The following B3GALT1 variants were observed in gnomAD, a reference collection of about 807,000 sequenced individuals.
B3GALT1 encodes beta-1,3-galactosyltransferase 1, also known as UDP-Gal:betaGlcNAc beta 1,3-galactosyltransferase, polypeptide 1.
In B3GALT1, 10 loss-of-function variants were observed where a neutral mutation model predicts 23.2. The observed-to-expected ratio is 0.43, with a 90% CI of 0.27 to 0.73. B3GALT1 has a LOEUF of 0.73. Ranked by LOEUF, B3GALT1 falls within the 30% of genes least tolerant of loss-of-function variation. B3GALT1 has a pLI of 0.21. For missense variants in B3GALT1, 299 were observed against 405.4 expected (o/e 0.74, Z 2.25); for synonymous variants, 156 against 141.5 (o/e 1.10, Z -0.73).
chr2:167,817,526 C>CACTT (rs1393938053), intron 3 of B3GALT1, among the ~76,000 whole-genome samples: 3 of 152,148 alleles, frequency 2.0e-5, no homozygotes, highest in African/African-American at 4.8e-5. Context: ...CCAACCCATA[C>CACTT]ACTTACCCAT....
intron 2 of B3GALT1, among the ~76,000 whole-genome samples, chr2:167,543,860 G>A (rs1424759915): frequency 6.6e-6 from 1 of 152,200 alleles, no homozygotes; most frequent in African/African-American, 2.4e-5. Context: ...TATACTGGCT[G>A]TAACCAAATA....
chr2:167,447,719 T>C (rs1452908315), intron 1 of B3GALT1, among the ~76,000 whole-genome samples: 3 of 152,018 alleles, frequency 2.0e-5, no homozygotes, highest in Admixed American at 2.0e-4. Context: ...AAAAGCACAA[T>C]ATTAGGGTGG....
rs558028853 is a variant in B3GALT1 at position 167,329,858 on chromosome 2, T to C, written c.-511+36524T>C. Among the ~76,000 whole-genome samples, 28 of 152,244 alleles carry C rather than the reference T, an allele frequency of 1.8e-4. No homozygotes were observed. The East Asian group carries it at 2.3e-3, about 13-fold the overall frequency. On this transcript the variant is annotated intron_variant, in intron 1 of 4. Transcript: ENST00000392690. ...GCCTTTGAATCTATGTCCCATTCTC[T>C]CAATGGCCTGTAAGGTTTCTGTTGA...
At chr2:167,704,351 A>T (rs1686937927) in intron 3 of B3GALT1, among the ~76,000 whole-genome samples, 1 of 152,186 alleles carries the variant, frequency 6.6e-6, no homozygotes, top group African/African-American at 2.4e-5. Flanking sequence ...TGCTTACCGA[A>T]TAATATTCAA....
At chr2:167,810,763 A>C (rs1055019345) in intron 3 of B3GALT1, among the ~76,000 whole-genome samples, 1 of 144,254 alleles carries the variant, frequency 6.9e-6, no homozygotes, top group African/African-American at 2.9e-5. Flanking sequence ...TTTTTAATAC[A>C]ACTCCAGGAA....
chr2:167,420,938 A>C (rs1484442215), intron 1 of B3GALT1, among the ~76,000 whole-genome samples: 1 of 152,212 alleles, frequency 6.6e-6, no homozygotes, highest in East Asian at 1.9e-4. Context: ...GTAGCTAAAA[A>C]ATGTAAGTGA....
chr2:167,782,097 T>C (rs1281058588), intron 3 of B3GALT1, among the ~76,000 whole-genome samples: 1 of 152,120 alleles, frequency 6.6e-6, no homozygotes, highest in Non-Finnish European at 1.5e-5. Flanking sequence ...AGACCAGAAA[T>C]TGTAATCCTG....
chr2:167,739,959 C>T (rs1039627373), intron 3 of B3GALT1, among the ~76,000 whole-genome samples: 4 of 149,082 alleles, frequency 2.7e-5, no homozygotes, highest in African/African-American at 9.9e-5. Context: ...AAAATCTAGG[C>T]GTGGTGGTGC....
At chr2:167,772,986 T>G (rs1048483633) in intron 3 of B3GALT1, among the ~76,000 whole-genome samples, 1 of 152,188 alleles carries the variant, frequency 6.6e-6, no homozygotes, top group Admixed American at 6.5e-5. Context: ...TCTATGGGCT[T>G]CATAAGGAAA....
chr2:167,670,503 A>T (rs1185836304), intron 3 of B3GALT1, among the ~76,000 whole-genome samples: 1 of 152,214 alleles, frequency 6.6e-6, no homozygotes, highest in East Asian at 1.9e-4. Flanking sequence ...CACACAAGAA[A>T]AATTAAGGAA....
chr2:167,675,459 G>A (rs1468250124), intron 3 of B3GALT1, among the ~76,000 whole-genome samples: 5 of 152,118 alleles, frequency 3.3e-5, no homozygotes, highest in Non-Finnish European at 4.4e-5. Flanking sequence ...TAAATGCCTC[G>A]GAGCAGGACA....
chr2:167,671,217 G>T (rs1000537463), intron 3 of B3GALT1, among the ~76,000 whole-genome samples: 2 of 151,830 alleles, frequency 1.3e-5, no homozygotes, highest in Admixed American at 6.6e-5. Flanking sequence ...TAGTATTAGG[G>T]GACTTTAATA....
chr2:167,487,181 A>G (rs568391538), intron 1 of B3GALT1, among the ~76,000 whole-genome samples: 3 of 152,286 alleles, frequency 2.0e-5, no homozygotes, highest in East Asian at 1.9e-4. Context: ...ATCTATTTGA[A>G]TTAGTTGTTT....
intron 1 of B3GALT1, among the ~76,000 whole-genome samples, chr2:167,302,430 T>C (rs1241247316): frequency 2.0e-5 from 3 of 152,216 alleles, no homozygotes; most frequent in African/African-American, 7.2e-5. Flanking sequence ...TGGAGTGATA[T>C]GCTTAATTTT....
chr2:167,680,793 G>T (rs1686516118), intron 3 of B3GALT1, among the ~76,000 whole-genome samples: 1 of 151,904 alleles, frequency 6.6e-6, no homozygotes, highest in South Asian at 2.1e-4. Context: ...TTATTTCAAA[G>T]AACTGAAACC....
chr2:167,643,700 A>G (rs1303285130), intron 2 of B3GALT1, among the ~76,000 whole-genome samples: 1 of 152,204 alleles, frequency 6.6e-6, no homozygotes, highest in African/African-American at 2.4e-5. Flanking sequence ...CATTCTTCCT[A>G]AAATCTTCCC....
chr2:167,749,132 C>T (rs1553484451), intron 3 of B3GALT1, among the ~76,000 whole-genome samples: 1 of 152,208 alleles, frequency 6.6e-6, no homozygotes, highest in Non-Finnish European at 1.5e-5. Flanking sequence ...GCATCCCACA[C>T]ATGTCATATG....
chr2:167,827,896 C>G (rs1689261209), intron 4 of B3GALT1, among the ~76,000 whole-genome samples: 1 of 152,086 alleles, frequency 6.6e-6, no homozygotes, highest in South Asian at 2.1e-4. Context: ...GCTAGAAGGT[C>G]AACACAGAGG....
chr2:167,704,901 A>G (rs190411343), intron 3 of B3GALT1, among the ~76,000 whole-genome samples: 118 of 152,270 alleles, frequency 7.7e-4, no homozygotes, highest in Non-Finnish European at 4.0e-4. Flanking sequence ...TTTAAAAAGC[A>G]TTGATTTTAT....
Sources: allele counts gnomAD v4.1 joint callset (sites outside exome capture counted in the v4.1 genomes callset), GRCh38; gene constraint gnomAD v4.1.1; transcripts MANE v1.5; gene names NCBI Gene and HGNC (gene_info 2026-07-23, HGNC 2026-07-21).